Variants in PAXBP1 observed in about 807,000 individuals in gnomAD.
PAXBP1 encodes PAX3- and PAX7-binding protein 1.
In PAXBP1, 44 loss-of-function variants were observed where a neutral mutation model predicts 119.9. The observed-to-expected ratio is 0.37, with a 90% CI of 0.29 to 0.47. The LOEUF is 0.47. Among genes scored for constraint, PAXBP1 ranks in the 20% least tolerant of loss-of-function variants. The pLI is 0.99. For synonymous variants in PAXBP1, 393 were observed against 406.6 expected, an observed-to-expected ratio of 0.97 and a Z score of 0.40; for missense variants, 898 against 1,134.1, an observed-to-expected ratio of 0.79 and a Z score of 2.99.
chr21:32,771,627 G>C lies in PAXBP1; in HGVS notation c.42C>G (p.Asn14Lys), dbSNP rs754731325. 1.4e-6 allele frequency: 2 copies of C among 1,461,184 alleles called. No homozygotes were observed. The highest frequency in any genetic ancestry group is 1.3e-5 in the South Asian group (1 of 77,132). 90.5% of individuals were successfully genotyped at this position (1,461,184 alleles called of 1,614,324 possible). A position where few individuals can be genotyped will look rare whatever the true frequency, so the allele number is the denominator to read the frequency against. The change falls in exon 1 of 18, where the codon AAC becomes AAG. Residue 14 changes from asparagine (N) to lysine (K), a missense_variant. By Grantham distance (94) the Asn-to-Lys change is moderately conservative. Around this residue, in one of 2 missense-constraint regions of PAXBP1, gnomAD observed 299 missense variants for 281.4 expected, o/e 1.06. Coordinates refer to ENST00000331923, the MANE Select transcript of PAXBP1 (RefSeq NM_016631.4). ...KARRVNVRKRNDSEEEERERD... is the reference protein window; with the variant it reads ...KARRVNVRKRKDSEEEERERD... Reference sequence around the variant, plus strand: ...GTTCCCGCTCTTCCTCTTCGGAGTCGTTCCGCTTGCGCACGTTCACCCGCC... The same window carrying C: ...GTTCCCGCTCTTCCTCTTCGGAGTCCTTCCGCTTGCGCACGTTCACCCGCC...
At position 32,769,883 on chromosome 21, in the gene PAXBP1, G is replaced by A. The variant is rs1269917758; in HGVS notation, c.403C>T (p.Leu135Phe). Residue 135 changes from leucine to phenylalanine, a missense_variant, in exon 2 of 18, where the codon CTC (leucine) becomes TTC (phenylalanine). This residue lies in a region of PAXBP1 where 299 missense variants were observed against 281.4 expected (regional missense o/e 1.06). Coordinates refer to ENST00000331923, the MANE Select transcript of PAXBP1 (RefSeq NM_016631.4). ...SSYSKKIVKL[L>F]KKEYKEDLEK... ...AGATCTTCTTTATATTCCTTCTTGA[G>A]CAATTTTACTATCTTTTTGCTATAA... 1 of 1,587,428 alleles carries A rather than the reference G, an allele frequency of 6.3e-7. No individual in the cohort carries two copies. Among genetic ancestry groups the A allele is most frequent in the Middle Eastern group, 1.7e-4 (1 of 5,832 alleles).
Position 32,771,685 on chromosome 21 carries a change from G to A in PAXBP1, c.-17C>T. The A allele has an allele frequency of 7.2e-7, 1 of 1,389,424 alleles. No homozygotes were observed. The highest frequency in any genetic ancestry group is 9.3e-7 in the Non-Finnish European group (1 of 1,076,486). 86.1% of individuals were successfully genotyped at this position (1,389,424 alleles called of 1,614,324 possible). ...TCGGAACATCCCCGCGGCCCGCACG[G>A]CGGTCGAATACTCGCTTCCACACCG... On this transcript the variant is annotated 5_prime_UTR_variant, in exon 1 of 18. Transcript: ENST00000331923.
Position 32,759,998 on chromosome 21 carries a change from G to A in PAXBP1, c.976-4C>T. 5 of 1,603,432 alleles carry A rather than the reference G, an allele frequency of 3.1e-6. No individual in the cohort carries two copies. Among genetic ancestry groups the A allele is most frequent in the Non-Finnish European group, 4.3e-6 (5 of 1,171,982 alleles). On this transcript the variant is annotated splice_polypyrimidine_tract_variant and splice_region_variant and intron_variant, in intron 5 of 17. Coordinates refer to ENST00000331923, the MANE Select transcript of PAXBP1 (RefSeq NM_016631.4). ...CTGCGGGTTGACTGGCTTGAACCTAGAAAAGAAATGGGATATAGATGAAAT... is the reference window on the plus strand; with the variant it reads ...CTGCGGGTTGACTGGCTTGAACCTAAAAAAGAAATGGGATATAGATGAAAT...
chr21:32,767,768 A>G (rs1230647666), intron 2 of PAXBP1, among the ~76,000 whole-genome samples: 5 of 152,194 alleles, frequency 3.3e-5, no homozygotes, highest in Non-Finnish European at 4.4e-5. Context: ...GTGGAACTGT[A>G]AGTCCAATTA....
intron 8 of PAXBP1, among the ~76,000 whole-genome samples, chr21:32,752,295 T>A (rs1402691907): frequency 4.6e-5 from 7 of 152,162 alleles, no homozygotes; most frequent in Non-Finnish European, 1.0e-4. Flanking sequence ...TTGGACCTAC[T>A]CTCTTTAATC....
chr21:32,734,933 T>G lies in PAXBP1; in HGVS notation c.*17A>C, dbSNP rs755797875. ...GGGAATGGTAATCAAGCAAATAGGT[T>G]TTTCAGTCTCATAGATCTATTTTCC... On this transcript the variant is annotated 3_prime_UTR_variant, in exon 18 of 18. Transcript: ENST00000331923. 1 of 1,585,178 alleles carries G rather than the reference T, an allele frequency of 6.3e-7. No homozygotes were observed. The highest frequency in any genetic ancestry group is 1.7e-5 in the Admixed American group (1 of 59,872).
intron 13 of PAXBP1, 127 bp downstream of exon 13, chr21:32,744,665 C>A: frequency 2.0e-6 from 2 of 991,138 alleles, no homozygotes; most frequent in Non-Finnish European, 2.8e-6. Flanking sequence ...GCTTTAATGG[C>A]CCTGATGGCC....
Position 32,751,035 on chromosome 21 carries a change from A to G in PAXBP1, c.1608-3T>C, listed in dbSNP as rs1030022825. ...CTCTGGCTTGTCTACGACGAGTCCT[A>G]AATAATAAACATCAAGTTCCCAAAC... On this transcript the variant is annotated splice_region_variant and splice_polypyrimidine_tract_variant and intron_variant, in intron 9 of 17. Transcript: ENST00000331923. 6.2e-6 allele frequency: 10 copies of G among 1,613,720 alleles called. No individual in the cohort carries two copies. In the Admixed American group the frequency reaches 1.5e-4, roughly 24 times the overall value.
chr21:32,741,402 G>C (rs1233180523), intron 15 of PAXBP1: 2 of 504,134 alleles, frequency 4.0e-6, no homozygotes, highest in East Asian at 3.1e-5. Flanking sequence ...ACAGCCTTCA[G>C]AATGAAGACC....
At chr21:32,751,933 A>G (rs1457901998) in intron 8 of PAXBP1, 1 of 152,262 alleles carries the variant, frequency 6.6e-6, no homozygotes, top group Non-Finnish European at 1.5e-5. Context: ...TTAGTTTTCA[A>G]GAGATAGTTC....
intron 3 of PAXBP1, 43 bp downstream of exon 3, chr21:32,764,305 T>G: frequency 3.8e-6 from 6 of 1,575,076 alleles, no homozygotes; most frequent in Non-Finnish European, 4.3e-6. Flanking sequence ...GGCCCATTCT[T>G]GAGGGTTTAG....
intron 15 of PAXBP1, 108 bp from the exon 16 acceptor site, chr21:32,738,427 A>G (rs2043724776): frequency 9.4e-6 from 8 of 847,620 alleles, no homozygotes; most frequent in Non-Finnish European, 1.4e-5. Flanking sequence ...ATGTCTTGCC[A>G]AAGTACTAAG....
intron 13 of PAXBP1, among the ~76,000 whole-genome samples, chr21:32,744,521 T>G (rs1253925129): frequency 3.3e-5 from 5 of 152,072 alleles, no homozygotes; most frequent in African/African-American, 1.2e-4. Flanking sequence ...GAAATCATAA[T>G]GAAAGGCTAT....
chr21:32,754,673 A>C (rs996475380), intron 8 of PAXBP1, among the ~76,000 whole-genome samples: 2 of 152,242 alleles, frequency 1.3e-5, no homozygotes, highest in African/African-American at 4.8e-5. Flanking sequence ...TAAAAAACAC[A>C]GTACATAAAG....
At chr21:32,754,806 C>T (rs1387391464) in intron 8 of PAXBP1, among the ~76,000 whole-genome samples, 1 of 152,128 alleles carries the variant, frequency 6.6e-6, no homozygotes, top group African/African-American at 2.4e-5. Context: ...TCCCCCTACC[C>T]ACAACATGTC....
chr21:32,741,095 G>C (rs965466612), intron 15 of PAXBP1, among the ~76,000 whole-genome samples: 2 of 152,158 alleles, frequency 1.3e-5, no homozygotes, highest in Non-Finnish European at 1.5e-5. Context: ...GTGGGAGTAA[G>C]GAATAACCAG....
At chr21:32,764,621 TA>T (rs1200496453) in intron 2 of PAXBP1, 97 bp from the exon 3 acceptor site, 6 of 925,512 alleles carry the variant, frequency 6.5e-6, no homozygotes, top group South Asian at 2.1e-5. Context: ...TTTTTTTAAT[TA>T]AAAAAAGGGG....
At chr21:32,752,941 T>C (rs1168478843) in intron 8 of PAXBP1, among the ~76,000 whole-genome samples, 1 of 150,582 alleles carries the variant, frequency 6.6e-6, no homozygotes, top group Admixed American at 6.6e-5. Flanking sequence ...AAAGTTGACT[T>C]TTTTTTTTAC....
intron 14 of PAXBP1, 86 bp from the exon 15 acceptor site, chr21:32,743,400 A>G (rs2043819485): frequency 1.1e-6 from 1 of 880,228 alleles, no homozygotes; most frequent in Admixed American, 3.3e-5. Context: ...TTTTTCTACA[A>G]AACAGGTAAA....
Sources: allele counts gnomAD v4.1 joint callset (sites outside exome capture counted in the v4.1 genomes callset), GRCh38; gene constraint gnomAD v4.1.1; regional missense constraint gnomAD v4.1.1; transcripts MANE v1.5; gene names NCBI Gene and HGNC (gene_info 2026-07-23, HGNC 2026-07-21).